Variants in MAP3K7 observed in about 807,000 individuals in gnomAD.
MAP3K7 encodes the protein TGF-beta activated kinase 1.
MAP3K7 carries 21 observed loss-of-function variants against 84.8 expected under a neutral mutation model. The observed-to-expected ratio is 0.25, with a 90% CI of 0.18 to 0.36. The LOEUF (loss-of-function observed/expected upper bound fraction) is 0.36. Among genes scored for constraint, MAP3K7 ranks in the 10% least tolerant of loss-of-function variants. MAP3K7 has a pLI of 1.00. For synonymous variants in MAP3K7, 241 were observed against 247.7 expected (o/e 0.97, Z 0.25); for missense variants, 503 against 747.7 (o/e 0.67, Z 3.82).
At chr6:90,523,580 T>A (rs1348555998) in intron 14 of MAP3K7, 98 bp downstream of exon 14, 1 of 725,672 alleles carries the variant, frequency 1.4e-6, no homozygotes, top group African/African-American at 1.8e-5. Context: ...AACAACAGTA[T>A]AATGCCTGCC....
intron 1 of MAP3K7, among the ~76,000 whole-genome samples, chr6:90,582,817 TC>T (rs1228153959): frequency 5.3e-5 from 8 of 152,124 alleles, no homozygotes; most frequent in African/African-American, 1.9e-4. Flanking sequence ...CTGTGTTTAC[TC>T]CAGTCTGATA....
At chr6:90,574,386 G>C (rs1252541976) in intron 1 of MAP3K7, among the ~76,000 whole-genome samples, 1 of 152,100 alleles carries the variant, frequency 6.6e-6, no homozygotes, top group Non-Finnish European at 1.5e-5. Context: ...TGGGATTACA[G>C]GTGTGAGCCA....
At chr6:90,578,618 T>C (rs1034341768) in intron 1 of MAP3K7, among the ~76,000 whole-genome samples, 1 of 152,174 alleles carries the variant, frequency 6.6e-6, no homozygotes, top group Non-Finnish European at 1.5e-5. Flanking sequence ...AGTATAAGCA[T>C]ATATCCATAA....
At chr6:90,543,042 C>T (rs1485669319) in intron 12 of MAP3K7, among the ~76,000 whole-genome samples, 1 of 152,082 alleles carries the variant, frequency 6.6e-6, no homozygotes, top group Non-Finnish European at 1.5e-5. Context: ...TGCCATCTGT[C>T]TAAATTTTCC....
At chr6:90,534,261 T>C (rs565105881) in intron 13 of MAP3K7, among the ~76,000 whole-genome samples, 53 of 152,346 alleles carry the variant, frequency 3.5e-4, no homozygotes, top group South Asian at 8.3e-4. Context: ...ATGAATATCA[T>C]CTTTGTGAGT....
At chr6:90,548,644 TACCAAGGAA>T (rs771338060) in intron 9 of MAP3K7, among the ~76,000 whole-genome samples, 2 of 151,974 alleles carry the variant, frequency 1.3e-5, no homozygotes, top group Non-Finnish European at 1.5e-5. Flanking sequence ...TGAATGAGGT[TACCAAGGAA>T]ATGAGTGCAG....
At chr6:90,567,715 A>T (rs1776756217) in intron 3 of MAP3K7, among the ~76,000 whole-genome samples, 1 of 152,242 alleles carries the variant, frequency 6.6e-6, no homozygotes, top group African/African-American at 2.4e-5. Flanking sequence ...ACTACTGGGT[A>T]TATACCCAAA....
At chr6:90,522,484 A>C (rs972925794) in intron 14 of MAP3K7, among the ~76,000 whole-genome samples, 3 of 152,114 alleles carry the variant, frequency 2.0e-5, no homozygotes, top group Admixed American at 1.3e-4. Flanking sequence ...CTATCACCTG[A>C]ATGTTAATGA....
In MAP3K7 at chr6:90,527,792, CT is replaced by C. The variant is rs1227807566; in HGVS notation, c.1357-4010del. On this transcript the variant is annotated intron_variant, in intron 13 of 16. Coordinates refer to ENST00000369329, the MANE Select transcript of MAP3K7 (RefSeq NM_145331.3). ...TCATAACTTATACATTATATACATT[CT>C]TGTCTACATATTTATATTTCATATA... Among the ~76,000 whole-genome samples the C allele has an allele frequency of 2.0e-5, 3 of 150,380 alleles. No individual in the cohort carries two copies. The East Asian group carries it at 6.0e-4, about 30-fold the overall frequency.
At chr6:90,562,581 C>T (rs982261802) in intron 3 of MAP3K7, among the ~76,000 whole-genome samples, 17 of 152,188 alleles carry the variant, frequency 1.1e-4, no homozygotes, top group African/African-American at 4.1e-4. Context: ...CCAGGAAGTT[C>T]GAACTGGGTG....
rs952017267 is a variant in MAP3K7 at position 90,516,308 on chromosome 6, A to C, written c.*193T>G. 8.1e-6 allele frequency: 5 copies of C among 614,236 alleles called. No individual in the cohort carries two copies. In the African/African-American group the frequency reaches 9.3e-5, roughly 11 times the overall value. 38.0% of individuals were successfully genotyped at this position (614,236 alleles called of 1,614,324 possible). On this transcript the variant is annotated 3_prime_UTR_variant, in exon 17 of 17. Transcript: ENST00000369329. ...AGTCACAGATGCTACCATGTTATGC[A>C]ATGAAACAGTAAAATTGTATGTCCA...
At chr6:90,568,386 G>A (rs1776786306) in intron 3 of MAP3K7, among the ~76,000 whole-genome samples, 172 bp downstream of exon 3, 1 of 151,742 alleles carries the variant, frequency 6.6e-6, no homozygotes, top group African/African-American at 2.4e-5. Context: ...TGAACTATTG[G>A]GATCACTGCT....
chr6:90,560,351 T>A (rs1776469548), intron 4 of MAP3K7, 137 bp from the exon 5 acceptor site: 4 of 899,886 alleles, frequency 4.4e-6, no homozygotes, highest in Non-Finnish European at 6.6e-6. Flanking sequence ...TGCTTTTAAT[T>A]TTTTACTTTC....
At chr6:90,559,470 T>C (rs1330619429) in intron 5 of MAP3K7, among the ~76,000 whole-genome samples, 1 of 152,126 alleles carries the variant, frequency 6.6e-6, no homozygotes, top group Admixed American at 6.5e-5. Context: ...AAGGAAACAA[T>C]ATGTTTTATG....
chr6:90,532,306 G>A (rs988361232), intron 13 of MAP3K7, among the ~76,000 whole-genome samples: 1 of 152,074 alleles, frequency 6.6e-6, no homozygotes, highest in Non-Finnish European at 1.5e-5. Flanking sequence ...ACTATCATGA[G>A]AGCAAGGAAG....
intron 15 of MAP3K7, 68 bp from the exon 16 acceptor site, chr6:90,518,630 A>T: frequency 1.2e-6 from 1 of 804,154 alleles, no homozygotes. Flanking sequence ...GATGAGAGTC[A>T]AGACAGAGAC....
rs1562078584 is a variant in MAP3K7 at position 90,523,920 on chromosome 6, T to G, written c.1357-137A>C. Reference sequence around the variant, plus strand: ...TGTAAACAACAAAATAAATCCTCTCTTATATATATGTAAAAATTTATATTC... The same window carrying G: ...TGTAAACAACAAAATAAATCCTCTCGTATATATATGTAAAAATTTATATTC... On this transcript the variant is annotated intron_variant, in intron 13 of 16. Coordinates refer to ENST00000369329, the MANE Select transcript of MAP3K7 (RefSeq NM_145331.3). 5 of 567,756 alleles carry G rather than the reference T, an allele frequency of 8.8e-6. No homozygotes were observed. In the East Asian group the frequency reaches 1.4e-4, roughly 16 times the overall value. 35.2% of individuals were successfully genotyped at this position (567,756 alleles called of 1,614,324 possible). A position where few individuals can be genotyped will look rare whatever the true frequency, so the allele number is the denominator to read the frequency against.
At chr6:90,518,627 G>A in intron 15 of MAP3K7, 65 bp from the exon 16 acceptor site, 4 of 819,326 alleles carry the variant, frequency 4.9e-6, no homozygotes, top group Admixed American at 3.9e-5. Flanking sequence ...TAAGATGAGA[G>A]TCAAGACAGA....
chr6:90,535,102 GATTTT>G (rs72280465), intron 13 of MAP3K7, among the ~76,000 whole-genome samples: 32,835 of 151,576 alleles, frequency 0.22, 4,052 homozygotes, highest in Non-Finnish European at 0.28. Flanking sequence ...TGTCTATATA[GATTTT>G]ATTTATATAT....
Sources: gnomAD v4.1 joint callset for allele counts (sites outside exome capture counted in the v4.1 genomes callset) on GRCh38, gnomAD v4.1.1 for gene constraint, MANE v1.5 for transcripts, NCBI Gene and HGNC (gene_info 2026-07-23, HGNC 2026-07-21) for gene names.